Variants in KIRREL3 observed in about 807,000 individuals in gnomAD.
KIRREL3 encodes kirre like nephrin family adhesion molecule 3, also known as kin of IRRE-like protein 3.
KIRREL3 carries 36 observed loss-of-function variants against 89.7 expected under a neutral mutation model. That is an observed-to-expected ratio of 0.40 (90% CI 0.31 to 0.53). The LOEUF (loss-of-function observed/expected upper bound fraction) is 0.53. Among genes scored for constraint, KIRREL3 ranks in the 20% least tolerant of loss-of-function variants. The pLI is 0.49. For missense variants in KIRREL3, 864 were observed against 1,056.6 expected (o/e 0.82, Z 2.53); for synonymous variants, 445 against 441.4 (o/e 1.01, Z -0.10).
chr11:126,588,722 A>G (rs918608355), intron 1 of KIRREL3, among the ~76,000 whole-genome samples: 3 of 152,230 alleles, frequency 2.0e-5, no homozygotes, highest in African/African-American at 4.8e-5. Flanking sequence ...GGTAAGGCCT[A>G]CAAGGGCAGG....
chr11:126,819,618 G>A (rs1003777057), intron 1 of KIRREL3, among the ~76,000 whole-genome samples: 1 of 152,208 alleles, frequency 6.6e-6, no homozygotes, highest in Non-Finnish European at 1.5e-5. Context: ...TTTGGGCGGG[G>A]CTCAGGCCAG....
rs376869114 is a variant in KIRREL3 at position 126,463,275 on chromosome 11, G to A, written c.624C>T (p.Ile208=). The part of the protein sequence containing the change: ...TLLRDGKRES[I]VSTLFISPGD... Reference sequence around the variant, plus strand: ...CAGGGGAGATGAAGAGGGTGCTGACGATGCTCTCCCGCTTGCCGTCCCGAA... The same window carrying A: ...CAGGGGAGATGAAGAGGGTGCTGACAATGCTCTCCCGCTTGCCGTCCCGAA... Residue 208 remains isoleucine, a synonymous_variant, in exon 6 of 17, where the codon ATC becomes ATT. Transcript: ENST00000525144. The surrounding 1 kb of genome is among the most constrained non-coding windows in gnomAD (Gnocchi z 5.9). The A allele has an allele frequency of 8.1e-6, 13 of 1,613,650 alleles. No homozygotes were observed. Among genetic ancestry groups the A allele is most frequent in the Non-Finnish European group, 7.6e-6 (9 of 1,179,762 alleles).
In KIRREL3 at chr11:126,462,449, G is replaced by A. The variant is rs1213854446; in HGVS notation, c.742+708C>T. ...GGAGGCCAAGGCGGGCGGAACACTT[G>A]AGGTCAGGAGTTTGAGACCAGCTTG... On this transcript the variant is annotated intron_variant, in intron 6 of 16. Coordinates refer to ENST00000525144, the MANE Select transcript of KIRREL3 (RefSeq NM_032531.4). This position sits in a 1 kb window ranked among gnomAD's most constrained non-coding sequence, Gnocchi z 4.8. Among the ~76,000 whole-genome samples, 1 of 152,166 alleles carries A rather than the reference G, an allele frequency of 6.6e-6. No individual in the cohort carries two copies. Among genetic ancestry groups the A allele is most frequent in the Non-Finnish European group, 1.5e-5 (1 of 68,032 alleles).
chr11:126,425,013 TTGG>T lies in KIRREL3; in HGVS notation c.1901_1903del (p.Thr634del). On this transcript the variant is annotated inframe_deletion, in exon 17 of 17. Transcript: ENST00000525144. ...GAAGGTGTTGACGCTGTAGTAGCCA[TTGG>T]TGGGGTCCTGGATGGGCGAGAGGAA... is the stretch of plus-strand genomic sequence containing the variant. The T allele has an allele frequency of 6.5e-7, 1 of 1,538,686 alleles. No homozygotes were observed. The highest frequency in any genetic ancestry group is 8.8e-7 in the Non-Finnish European group (1 of 1,140,970).
intron 9 of KIRREL3, among the ~76,000 whole-genome samples, 155 bp downstream of exon 9, chr11:126,446,604 C>T (rs1955823826): frequency 6.6e-6 from 1 of 152,164 alleles, no homozygotes; most frequent in Non-Finnish European, 1.5e-5. Flanking sequence ...TGCCTGGGTT[C>T]CCCCTCCTCT....
At position 126,995,859 on chromosome 11, in the gene KIRREL3, C is replaced by A. The variant is rs1036003044; in HGVS notation, c.55+4596G>T. Among the ~76,000 whole-genome samples, 1 of 152,212 alleles carries A rather than the reference C, an allele frequency of 6.6e-6. No homozygotes were observed. The highest frequency in any genetic ancestry group is 2.4e-5 in the African/African-American group (1 of 41,454). ...GGCCTAATCTCCTGCTCCACCCCAT[C>A]TCCTGCTGGCCCTGGCTTCCACCAA... is the stretch of plus-strand genomic sequence containing the variant. On this transcript the variant is annotated intron_variant, in intron 1 of 16. Coordinates refer to ENST00000525144, the MANE Select transcript of KIRREL3 (RefSeq NM_032531.4). This position sits in a 1 kb window ranked among gnomAD's most constrained non-coding sequence, Gnocchi z 6.5.
At chr11:126,959,372 C>T (rs1230350314) in intron 1 of KIRREL3, among the ~76,000 whole-genome samples, 1 of 152,068 alleles carries the variant, frequency 6.6e-6, no homozygotes. Context: ...CACACACATA[C>T]ACACACACAC....
Position 126,742,618 on chromosome 11 carries a change from A to C in KIRREL3, c.56-179706T>G, listed in dbSNP as rs1306355291. Among the ~76,000 whole-genome samples the C allele has an allele frequency of 6.6e-6, 1 of 152,254 alleles. No individual in the cohort carries two copies. Among genetic ancestry groups the C allele is most frequent in the Non-Finnish European group, 1.5e-5 (1 of 68,044 alleles). On this transcript the variant is annotated intron_variant, in intron 1 of 16. Transcript: ENST00000525144. The surrounding 1 kb of genome is among the most constrained non-coding windows in gnomAD (Gnocchi z 5.3). ...AGAGGGCAAGTGACTTGTCAAGGTC[A>C]CATAGCCAGTACATGGTTGAACTGG... is the stretch of plus-strand genomic sequence containing the variant.
chr11:126,518,399 C>A (rs1024568575), intron 4 of KIRREL3, among the ~76,000 whole-genome samples: 1 of 152,208 alleles, frequency 6.6e-6, no homozygotes, highest in South Asian at 2.1e-4. Flanking sequence ...CGATGGAAGA[C>A]CCCCGGGGGC....
At position 126,763,707 on chromosome 11, in the gene KIRREL3, T is replaced by C. The variant is rs1166574092; in HGVS notation, c.56-200795A>G. Among the ~76,000 whole-genome samples the C allele has an allele frequency of 6.6e-6, 1 of 152,170 alleles. No individual in the cohort carries two copies. Among genetic ancestry groups the C allele is most frequent in the African/African-American group, 2.4e-5 (1 of 41,440 alleles). On this transcript the variant is annotated intron_variant, in intron 1 of 16. Coordinates refer to ENST00000525144, the MANE Select transcript of KIRREL3 (RefSeq NM_032531.4). This position sits in a 1 kb window ranked among gnomAD's most constrained non-coding sequence, Gnocchi z 4.7. ...CAATGAGTTCCCACGCTTTTGAGCCTTTGTTTTCTCACTTGTGAAATGGGG... is the reference window on the plus strand; with the variant it reads ...CAATGAGTTCCCACGCTTTTGAGCCCTTGTTTTCTCACTTGTGAAATGGGG...
rs1243225540 is a variant in KIRREL3 at position 126,666,121 on chromosome 11, T to C, written c.56-103209A>G. Among the ~76,000 whole-genome samples, 4 of 152,214 alleles carry C rather than the reference T, an allele frequency of 2.6e-5. No homozygotes were observed. Among genetic ancestry groups the C allele is most frequent in the Non-Finnish European group, 5.9e-5 (4 of 68,044 alleles). On this transcript the variant is annotated intron_variant, in intron 1 of 16. Transcript: ENST00000525144. This position sits in a 1 kb window ranked among gnomAD's most constrained non-coding sequence, Gnocchi z 4.2. ...AACCACTTGCCTACTGCATTGTCTG[T>C]ATCATAGAAGTTGAGGAACCATTAA...
chr11:126,867,150 C>T lies in KIRREL3; in HGVS notation c.55+133305G>A, dbSNP rs1237525360. Among the ~76,000 whole-genome samples the T allele has an allele frequency of 2.0e-5, 3 of 152,244 alleles. No homozygotes were observed. The highest frequency in any genetic ancestry group is 4.4e-5 in the Non-Finnish European group (3 of 68,036). ...TGCCTTGGGGTTGGAGCCCAAAAAA[C>T]GTTCCCCACAATCTGCCTGTCTGCC... is the stretch of plus-strand genomic sequence containing the variant. On this transcript the variant is annotated intron_variant, in intron 1 of 16. Transcript: ENST00000525144. The surrounding 1 kb of genome is among the most constrained non-coding windows in gnomAD (Gnocchi z 4.7).
rs1827293644 is a variant in KIRREL3, at chr11:126,940,965, T to C, written c.55+59490A>G. 6.6e-6 allele frequency: 1 copy of C among 152,206 alleles called. No homozygotes were observed. Among genetic ancestry groups the C allele is most frequent in the African/African-American group, 2.4e-5 (1 of 41,456 alleles). The allele number at this position is 152,206 out of a possible 1,614,324, so 9.4% of individuals were successfully genotyped here. A position where few individuals can be genotyped will look rare whatever the true frequency, so the allele number is the denominator to read the frequency against. ...TCTGGGTTACTGTAGATTTGGGTTT[T>C]GCTATTACTAGTTGTCTCACTTATC... is the stretch of plus-strand genomic sequence containing the variant. On this transcript the variant is annotated intron_variant, in intron 1 of 16. Coordinates refer to ENST00000525144, the MANE Select transcript of KIRREL3 (RefSeq NM_032531.4). This position sits in a 1 kb window ranked among gnomAD's most constrained non-coding sequence, Gnocchi z 4.6.
intron 1 of KIRREL3, among the ~76,000 whole-genome samples, chr11:126,873,690 G>C (rs1793678): frequency 6.6e-6 from 1 of 152,124 alleles, no homozygotes; most frequent in Non-Finnish European, 1.5e-5. Flanking sequence ...GAACACCTCA[G>C]GTCCACAAAG....
At chr11:126,828,293 G>A (rs1943485100) in intron 1 of KIRREL3, among the ~76,000 whole-genome samples, 1 of 152,116 alleles carries the variant, frequency 6.6e-6, no homozygotes, top group Non-Finnish European at 1.5e-5. Flanking sequence ...AAGCCATGCT[G>A]GCAAGGTGAT....
Position 126,764,588 on chromosome 11 carries a change from T to G in KIRREL3, c.56-201676A>C, listed in dbSNP as rs1949761642. ...TCTTACTGCGCCAGTAACAACTGGA[T>G]CTCAATCCCCAAAACAATTCCCTGC... On this transcript the variant is annotated intron_variant, in intron 1 of 16. Transcript: ENST00000525144. This position sits in a 1 kb window ranked among gnomAD's most constrained non-coding sequence, Gnocchi z 4.2. Among the ~76,000 whole-genome samples, 1 of 152,216 alleles carries G rather than the reference T, an allele frequency of 6.6e-6. No individual in the cohort carries two copies. The highest frequency in any genetic ancestry group is 2.1e-4 in the South Asian group (1 of 4,822).
rs1229366980 is a variant in KIRREL3 at position 126,601,724 on chromosome 11, G to A, written c.56-38812C>T. Among the ~76,000 whole-genome samples, 4 of 151,866 alleles carry A rather than the reference G, an allele frequency of 2.6e-5. No homozygotes were observed. The highest frequency in any genetic ancestry group is 1.3e-4 in the Admixed American group (2 of 15,244). ...TCTCATGCATCCTGCGGTGCCATTC[G>A]CCCACCCCGCCTACATTCCTGGACG... On this transcript the variant is annotated intron_variant, in intron 1 of 16. Coordinates refer to ENST00000525144, the MANE Select transcript of KIRREL3 (RefSeq NM_032531.4). This position sits in a 1 kb window ranked among gnomAD's most constrained non-coding sequence, Gnocchi z 5.8.
Position 126,455,298 on chromosome 11 carries a change from A to G in KIRREL3, c.848+1051T>C, listed in dbSNP as rs1032060479. Among the ~76,000 whole-genome samples the G allele has an allele frequency of 6.6e-6, 1 of 152,238 alleles. No individual in the cohort carries two copies. The highest frequency in any genetic ancestry group is 1.5e-5 in the Non-Finnish European group (1 of 68,046). On this transcript the variant is annotated intron_variant, in intron 7 of 16. Transcript: ENST00000525144. The surrounding 1 kb of genome is among the most constrained non-coding windows in gnomAD (Gnocchi z 6.4). ...TGCCTCCAAGGTCACTTAGTCTCCT[A>G]GAGTCTTGTGCAGTGACAGTGCCCA...
At chr11:126,589,396 C>T (rs1942031667) in intron 1 of KIRREL3, among the ~76,000 whole-genome samples, 1 of 152,206 alleles carries the variant, frequency 6.6e-6, no homozygotes, top group Non-Finnish European at 1.5e-5. Flanking sequence ...GCTCCTGGTC[C>T]AGGCAGGCAG....
Sources: allele counts gnomAD v4.1 joint callset (sites outside exome capture counted in the v4.1 genomes callset), GRCh38; gene constraint gnomAD v4.1.1; non-coding constraint Gnocchi (gnomAD v3.1); transcripts MANE v1.5; gene names NCBI Gene and HGNC (gene_info 2026-07-23, HGNC 2026-07-21).